Variants in KLF8 observed in about 807,000 individuals in gnomAD.
The protein encoded by KLF8 is Krueppel-like factor 8.
A neutral mutation model predicts 18.2 loss-of-function variants in KLF8; 10 were observed. That is an observed-to-expected ratio of 0.55 (90% CI 0.34 to 0.93). KLF8 has a LOEUF of 0.93. Ranked by LOEUF, KLF8 falls within the 40% of genes least tolerant of loss-of-function variation. The probability of loss-of-function intolerance (pLI) is 0.02; values close to 1 mark genes in which losing one functional copy is unlikely to be tolerated. For missense variants in KLF8, 264 were observed against 277.9 expected (o/e 0.95, Z 0.36); for synonymous variants, 109 against 97.3 (o/e 1.12, Z -0.71).
At chrX:56,169,370 G>A in the KLF8 span, among the ~76,000 whole-genome samples, 8 of 111,192 alleles carry the variant, frequency 7.2e-5, no homozygotes, top group Non-Finnish European at 1.5e-4. Flanking sequence ...GGCCACAGGA[G>A]GATAGAGCGG....
chrX:56,160,015 T>G, the KLF8 span, among the ~76,000 whole-genome samples: 6 of 112,219 alleles, frequency 5.3e-5, no homozygotes, highest in East Asian at 1.7e-3. Flanking sequence ...TGCTTTCTAA[T>G]GTGGGCATTT....
At position 56,284,717 on chromosome X, in the gene KLF8, C is replaced by T. The variant is rs2067249738; in HGVS notation, c.*223C>T. ...CCAGACCCGTTTTTTTCAACCTCCA[C>T]ATGGGTTGAATTCCAGTGTGGCACC... On this transcript the variant is annotated 3_prime_UTR_variant, in exon 6 of 6. Coordinates refer to ENST00000468660, the MANE Select transcript of KLF8 (RefSeq NM_007250.5). 1 of 287,968 alleles carries T rather than the reference C, an allele frequency of 3.5e-6. No individual in the cohort carries two copies. The highest frequency in any genetic ancestry group is 2.8e-5 in the African/African-American group (1 of 35,945). The allele number at this position is 287,968 out of a possible 1,213,427, so 23.7% of individuals were successfully genotyped here. A position where few individuals can be genotyped will look rare whatever the true frequency, so the allele number is the denominator to read the frequency against.
chrX:56,070,823 G>C, the KLF8 span, among the ~76,000 whole-genome samples: 1 of 112,632 alleles, frequency 8.9e-6, no homozygotes, highest in Non-Finnish European at 1.9e-5. Flanking sequence ...TTAAATATCT[G>C]AATGTATCTA....
At chrX:56,231,366 T>A (rs2066400704), upstream of KLF8, among the ~76,000 whole-genome samples, 2 of 111,969 alleles carry the variant, frequency 1.8e-5, no homozygotes, top group African/African-American at 6.5e-5. Context: ...GTTTCCTTAT[T>A]TTTTTAAATA....
At chrX:55,916,151 G>A in the KLF8 span, among the ~76,000 whole-genome samples, 1 of 112,046 alleles carries the variant, frequency 8.9e-6, no homozygotes, top group African/African-American at 3.2e-5. Flanking sequence ...CAGGAAGCTA[G>A]GGTCATGTAA....
Position 56,270,388 on chromosome X carries a change from GAGAGAGAGAGAGGGGC to G in KLF8, c.898+80_898+95del, listed in dbSNP as rs1350239411. 9 of 893,527 alleles carry G rather than the reference GAGAGAGAGAGAGGGGC, an allele frequency of 1.0e-5. No homozygotes were observed. In the East Asian group the frequency reaches 1.1e-4, roughly 11 times the overall value. The allele number at this position is 893,527 out of a possible 1,213,427, so 73.6% of individuals were successfully genotyped here. A position where few individuals can be genotyped will look rare whatever the true frequency, so the allele number is the denominator to read the frequency against. ...CACACACACACACACACACGAGAGA[GAGAGAGAGAGAGGGGC>G]AGAGAGAGAGAGAGAGAGGGGCAGA... On this transcript the variant is annotated intron_variant, in intron 5 of 5. Coordinates refer to ENST00000468660, the MANE Select transcript of KLF8 (RefSeq NM_007250.5).
At chrX:55,988,353 T>C in the KLF8 span, among the ~76,000 whole-genome samples, 1 of 111,854 alleles carries the variant, frequency 8.9e-6, no homozygotes, top group Non-Finnish European at 1.9e-5. Flanking sequence ...TGTAAGTCTT[T>C]AATCCATCTT....
chrX:55,929,576 T>C, the KLF8 span, among the ~76,000 whole-genome samples: 110 of 112,411 alleles, frequency 9.8e-4, no homozygotes, highest in Middle Eastern at 4.6e-3. Context: ...AGTTTCAGTT[T>C]TCTGAATATG....
the KLF8 span, among the ~76,000 whole-genome samples, chrX:56,095,951 T>A: frequency 9.0e-6 from 1 of 111,730 alleles, no homozygotes; most frequent in African/African-American, 3.2e-5. Context: ...TTACTGGATA[T>A]CATCCAAAGG....
chrX:55,917,433 A>T, the KLF8 span, among the ~76,000 whole-genome samples: 1 of 112,038 alleles, frequency 8.9e-6, no homozygotes, highest in African/African-American at 3.2e-5. Context: ...TAGCAATAAT[A>T]ATTAACATTT....
the KLF8 span, among the ~76,000 whole-genome samples, chrX:55,921,688 G>GA: frequency 8.9e-6 from 1 of 111,817 alleles, no homozygotes; most frequent in Non-Finnish European, 1.9e-5. Flanking sequence ...ACAACCTACA[G>GA]AATAGGAGAA....
chrX:56,125,984 C>G, the KLF8 span, among the ~76,000 whole-genome samples: 2 of 112,127 alleles, frequency 1.8e-5, no homozygotes, highest in South Asian at 3.7e-4. Context: ...TTATAATAGT[C>G]ATTGATTTTG....
the KLF8 span, among the ~76,000 whole-genome samples, chrX:56,005,754 AGTT>A: frequency 8.9e-6 from 1 of 111,827 alleles, no homozygotes; most frequent in African/African-American, 3.3e-5. Context: ...CTGGCAGAGA[AGTT>A]GGTGGGTGGC....
the KLF8 span, among the ~76,000 whole-genome samples, chrX:56,189,456 T>G: frequency 2.7e-5 from 3 of 111,337 alleles, no homozygotes; most frequent in African/African-American, 9.8e-5. Context: ...GTGGAAGTCA[T>G]TGTGGCAATT....
the KLF8 span, among the ~76,000 whole-genome samples, chrX:55,916,734 C>A: frequency 8.9e-6 from 1 of 111,958 alleles, no homozygotes; most frequent in Non-Finnish European, 1.9e-5. Flanking sequence ...GATTAACTAA[C>A]TGTGTTTCCC....
the KLF8 span, among the ~76,000 whole-genome samples, chrX:55,975,311 T>C: frequency 9.0e-6 from 1 of 111,577 alleles, no homozygotes; most frequent in African/African-American, 3.3e-5. Flanking sequence ...TTAAGGGTAA[T>C]GCAAATGTGG....
the KLF8 span, among the ~76,000 whole-genome samples, chrX:56,017,418 C>G: frequency 8.9e-6 from 1 of 112,532 alleles, no homozygotes; most frequent in East Asian, 2.8e-4. Context: ...GCAGAGGGCA[C>G]AGTCACCCTT....
chrX:56,033,559 T>C, the KLF8 span, among the ~76,000 whole-genome samples: 1 of 112,019 alleles, frequency 8.9e-6, no homozygotes, highest in Non-Finnish European at 1.9e-5. Flanking sequence ...GATCATATGG[T>C]AGTTCTATTT....
intron 1 of KLF8, among the ~76,000 whole-genome samples, chrX:56,248,058 A>G (rs1223347456): frequency 2.7e-5 from 3 of 111,106 alleles, no homozygotes; most frequent in African/African-American, 9.8e-5. Context: ...TCACTAGGTG[A>G]TAGGAATTTT....
Sources: gnomAD v4.1 joint callset for allele counts (sites outside exome capture counted in the v4.1 genomes callset) on GRCh38, gnomAD v4.1.1 for gene constraint, MANE v1.5 for transcripts, NCBI Gene and HGNC (gene_info 2026-07-23, HGNC 2026-07-21) for gene names.